CLDN3: variants seen among roughly 807,000 people sequenced by gnomAD.
The protein encoded by CLDN3 is claudin-3.
Under a neutral mutation model 16.3 loss-of-function variants are expected in CLDN3, and 6 were observed. The observed-to-expected ratio is 0.37, with a 90% confidence interval of 0.20 to 0.73. The LOEUF is 0.73. CLDN3 is among the 30% of genes least tolerant of loss of function. The probability of loss-of-function intolerance (pLI) is 0.52; values close to 1 mark genes in which losing one functional copy is unlikely to be tolerated. For synonymous variants in CLDN3, 145 were observed against 150.1 expected, an observed-to-expected ratio of 0.97 and a Z score of 0.25; for missense variants, 248 against 305.2, an observed-to-expected ratio of 0.81 and a Z score of 1.40.
chr7:73,769,845 G>C lies in CLDN3; in HGVS notation c.205C>G (p.Leu69Val). The C allele has an allele frequency of 6.2e-7, 1 of 1,612,668 alleles. No individual in the cohort carries two copies. The highest frequency in any genetic ancestry group is 8.5e-7 in the Non-Finnish European group (1 of 1,179,918). ...GQMQCKVYDS[L>V]LALPQDLQAA... ...TGAAGGTCCTGTGGCAGTGCCAGCA[G>C]CGAGTCGTACACCTTGCACTGCATC... The change falls in exon 1 of 1, where the codon CTG (leucine) becomes GTG (valine). Residue 69 changes from leucine to valine, a missense_variant. Leu to Val is a conservative substitution (Grantham distance 32). Transcript: ENST00000395145.
In CLDN3 at chr7:73,769,082, G is replaced by T. The variant is rs1554626535; in HGVS notation, c.*305C>A. The T allele has an allele frequency of 1.8e-6, 1 of 544,884 alleles. No individual in the cohort carries two copies. The highest frequency in any genetic ancestry group is 2.9e-6 in the Non-Finnish European group (1 of 341,390). 33.8% of individuals were successfully genotyped at this position (544,884 alleles called of 1,614,324 possible). A position where few individuals can be genotyped will look rare whatever the true frequency, so the allele number is the denominator to read the frequency against. On this transcript the variant is annotated 3_prime_UTR_variant, in exon 1 of 1. Transcript: ENST00000395145. The stretch of plus-strand genomic sequence containing the variant: ...TGCCCAGCGCGAGCATGGGGGCAGC[G>T]GCCCGATGGGGCTCGACGGGGTGGT...
At position 73,769,815 on chromosome 7, in the gene CLDN3, C is replaced by T. The variant is rs1554626727; in HGVS notation, c.235G>A (p.Ala79Thr). 1 of 1,612,324 alleles carries T rather than the reference C, an allele frequency of 6.2e-7. No individual in the cohort carries two copies. Among genetic ancestry groups the T allele is most frequent in the East Asian group, 2.2e-5 (1 of 44,880 alleles). Reference protein sequence around the residue: ...LLALPQDLQAARALIVVAILL... With the variant: ...LLALPQDLQATRALIVVAILL... ...ATGGCCACCACGATGAGGGCGCGGG[C>T]CGCCTGAAGGTCCTGTGGCAGTGCC... is the stretch of plus-strand genomic sequence containing the variant. The change falls in exon 1 of 1, where the codon GCC (alanine) becomes ACC (threonine). Residue 79 changes from alanine to threonine, a missense_variant. Ala to Thr is a moderately conservative substitution (Grantham distance 58, BLOSUM62 0). Coordinates refer to ENST00000395145, the MANE Select transcript of CLDN3 (RefSeq NM_001306.4).
At position 73,769,277 on chromosome 7, in the gene CLDN3, G is replaced by A; in HGVS notation, c.*110C>T. The A allele has an allele frequency of 6.8e-7, 1 of 1,467,982 alleles. No individual in the cohort carries two copies. The highest frequency in any genetic ancestry group is 9.0e-7 in the Non-Finnish European group (1 of 1,115,260). The allele number at this position is 1,467,982 out of a possible 1,614,324, so 90.9% of individuals were successfully genotyped here. Reference sequence around the variant, plus strand: ...CTTCCTGGCTTCTGGGGGTGGGCTGGCCTCCGAGGCAAGGCTGCACGCTGG... The same window carrying A: ...CTTCCTGGCTTCTGGGGGTGGGCTGACCTCCGAGGCAAGGCTGCACGCTGG... On this transcript the variant is annotated 3_prime_UTR_variant, in exon 1 of 1. Coordinates refer to ENST00000395145, the MANE Select transcript of CLDN3 (RefSeq NM_001306.4).
chr7:73,769,689 C>T lies in CLDN3; in HGVS notation c.361G>A (p.Gly121Ser). 1 of 1,612,882 alleles carries T rather than the reference C, an allele frequency of 6.2e-7. No individual in the cohort carries two copies. The highest frequency in any genetic ancestry group is 1.1e-5 in the South Asian group (1 of 90,992). Residue 121 changes from glycine (G) to serine (S), a missense_variant, in exon 1 of 1, where the codon GGC becomes AGC. Coordinates refer to ENST00000395145, the MANE Select transcript of CLDN3 (RefSeq NM_001306.4). ...AGGGCGGCGAGAAGGAACAGCACGC[C>T]TGCCACGATGGTGATCTTGGCCTTG... ...TAKAKITIVA[G>S]VLFLLAALLT...
In CLDN3 at chr7:73,769,716, C is replaced by T. The variant is rs9133; in HGVS notation, c.334G>A (p.Ala112Thr). Residue 112 changes from alanine (A) to threonine (T), a missense_variant, in exon 1 of 1, where the codon GCC becomes ACC. Coordinates refer to ENST00000395145, the MANE Select transcript of CLDN3 (RefSeq NM_001306.4). ...GCCACGATGGTGATCTTGGCCTTGG[C>T]CGTGTCGTCCTGCACGCAGTTGGTG... Reference protein sequence around the residue: ...QCTNCVQDDTAKAKITIVAGV... With the variant: ...QCTNCVQDDTTKAKITIVAGV... The T allele has an allele frequency of 3.7e-6, 6 of 1,611,862 alleles. No individual in the cohort carries two copies. In the Admixed American group the frequency reaches 8.4e-5, roughly 22 times the overall value.
Position 73,769,734 on chromosome 7 carries a change from A to C in CLDN3, c.316T>G (p.Cys106Gly). 1 of 1,611,634 alleles carries C rather than the reference A, an allele frequency of 6.2e-7. No homozygotes were observed. Among genetic ancestry groups the C allele is most frequent in the South Asian group, 1.1e-5 (1 of 90,842 alleles). The change falls in exon 1 of 1, where the codon TGC (cysteine) becomes GGC (glycine). Residue 106 changes from cysteine (C) to glycine (G), a missense_variant. Coordinates refer to ENST00000395145, the MANE Select transcript of CLDN3 (RefSeq NM_001306.4). ...GCCTTGGCCGTGTCGTCCTGCACGC[A>C]GTTGGTGCACTGGGCGCCCACCAGC... ...VALVGAQCTN[C>G]VQDDTAKAKI...
At position 73,769,427 on chromosome 7, in the gene CLDN3, G is replaced by C; in HGVS notation, c.623C>G (p.Ala208Gly). The stretch of plus-strand genomic sequence containing the variant: ...GCGGTCGTAGCCTGTGCCCAGGCTG[G>C]CTCCCGGGCCGGTGGAGCGCGGCGC... ...YSAPRSTGPG[A>G]SLGTGYDRKD... The change falls in exon 1 of 1, where the codon GCC becomes GGC. Residue 208 changes from alanine to glycine, a missense_variant. Transcript: ENST00000395145. The C allele has an allele frequency of 6.2e-7, 1 of 1,603,300 alleles. No individual in the cohort carries two copies. The highest frequency in any genetic ancestry group is 8.5e-7 in the Non-Finnish European group (1 of 1,179,628).
rs375531700 is a variant in CLDN3 at position 73,769,735 on chromosome 7, G to T, written c.315C>A (p.Asn105Lys). ...LVALVGAQCT[N>K]CVQDDTAKAK... ...CCTTGGCCGTGTCGTCCTGCACGCA[G>T]TTGGTGCACTGGGCGCCCACCAGCG... is the stretch of plus-strand genomic sequence containing the variant. Residue 105 changes from asparagine to lysine, a missense_variant, in exon 1 of 1, where the codon AAC (asparagine) becomes AAA (lysine). Coordinates refer to ENST00000395145, the MANE Select transcript of CLDN3 (RefSeq NM_001306.4). 4 of 1,611,564 alleles carry T rather than the reference G, an allele frequency of 2.5e-6. No individual in the cohort carries two copies. The highest frequency in any genetic ancestry group is 3.4e-6 in the Non-Finnish European group (4 of 1,179,058).
rs375591629 is a variant in CLDN3, at chr7:73,769,656, G to T, written c.394C>A (p.Leu132Ile). ...TTGGCCGACCAGGACACCGGCACGAGGGTGAGCAGGGCGGCGAGAAGGAAC... is the reference window on the plus strand; with the variant it reads ...TTGGCCGACCAGGACACCGGCACGATGGTGAGCAGGGCGGCGAGAAGGAAC... The part of the protein sequence containing the change: ...VLFLLAALLT[L>I]VPVSWSANTI... The change falls in exon 1 of 1, where the codon CTC becomes ATC. Residue 132 changes from leucine to isoleucine, a missense_variant. Coordinates refer to ENST00000395145, the MANE Select transcript of CLDN3 (RefSeq NM_001306.4). 7 of 1,612,866 alleles carry T rather than the reference G, an allele frequency of 4.3e-6. No homozygotes were observed. The highest frequency in any genetic ancestry group is 5.9e-6 in the Non-Finnish European group (7 of 1,179,856).
rs1306519449 is a variant in CLDN3, at chr7:73,769,993, G to A, written c.57C>T (p.Gly19=). 1.9e-6 allele frequency: 3 copies of A among 1,611,526 alleles called. No individual in the cohort carries two copies. The highest frequency in any genetic ancestry group is 1.3e-5 in the African/African-American group (1 of 74,910). The part of the protein sequence containing the change: ...GTALAVLGWL[G]TIVCCALPMW... ...TGGGCAACGCGCAGCACACGATGGT[G>A]CCCAGCCAGCCCAGCACGGCCAGCG... Residue 19 remains glycine (G), a synonymous_variant, in exon 1 of 1, where the codon GGC becomes GGT. Transcript: ENST00000395145.
Position 73,769,802 on chromosome 7 carries a change from A to G in CLDN3, c.248T>C (p.Ile83Thr). The G allele has an allele frequency of 6.2e-7, 1 of 1,612,134 alleles. No individual in the cohort carries two copies. Among genetic ancestry groups the G allele is most frequent in the Non-Finnish European group, 8.5e-7 (1 of 1,179,588 alleles). Residue 83 changes from isoleucine to threonine, a missense_variant, in exon 1 of 1, where the codon ATC becomes ACC. Transcript: ENST00000395145. ...PQDLQAARAL[I>T]VVAILLAAFG... is the part of the protein sequence containing the mutation. ...GGCGGCCAGCAGGATGGCCACCACG[A>G]TGAGGGCGCGGGCCGCCTGAAGGTC...
chr7:73,769,103 G>T lies in CLDN3; in HGVS notation c.*284C>A, dbSNP rs1419283477. The T allele has an allele frequency of 2.3e-5, 16 of 685,198 alleles. No individual in the cohort carries two copies. Among genetic ancestry groups the T allele is most frequent in the Middle Eastern group, 8.5e-4 (2 of 2,348 alleles). 42.4% of individuals were successfully genotyped at this position (685,198 alleles called of 1,614,324 possible). A position where few individuals can be genotyped will look rare whatever the true frequency, so the allele number is the denominator to read the frequency against. On this transcript the variant is annotated 3_prime_UTR_variant, in exon 1 of 1. Transcript: ENST00000395145. ...CAGCGGCCCGATGGGGCTCGACGGG[G>T]TGGTCAAGTATTGGCGGTCACCCAG...
rs1554626645 is a variant in CLDN3, at chr7:73,769,548, C to T, written c.502G>A (p.Ala168Thr). ...EMGAGLYVGW[A>T]AAALQLLGGA... is the part of the protein sequence containing the mutation. ...CCCAGCAGCTGCAGCGCCGCGGCCGCCCAGCCCACGTACAGGCCCGCGCCC... is the reference window on the plus strand; with the variant it reads ...CCCAGCAGCTGCAGCGCCGCGGCCGTCCAGCCCACGTACAGGCCCGCGCCC... The change falls in exon 1 of 1, where the codon GCG (alanine) becomes ACG (threonine). Residue 168 changes from alanine (A) to threonine (T), a missense_variant. Ala to Thr is a moderately conservative substitution (Grantham distance 58). Transcript: ENST00000395145. 6.2e-7 allele frequency: 1 copy of T among 1,602,496 alleles called. No individual in the cohort carries two copies. The highest frequency in any genetic ancestry group is 1.1e-5 in the South Asian group (1 of 89,452).
rs1787024699 is a variant in CLDN3, at chr7:73,770,066, C to G, written c.-17G>C. The G allele has an allele frequency of 3.3e-6, 5 of 1,499,630 alleles. No individual in the cohort carries two copies. Among genetic ancestry groups the G allele is most frequent in the Non-Finnish European group, 4.5e-6 (5 of 1,122,494 alleles). The allele number at this position is 1,499,630 out of a possible 1,614,324, so 92.9% of individuals were successfully genotyped here. ...CATGGACATGGCTGCCGCGGCAAGG[C>G]CCGCTCCACCGGGTGGCTCCGGGTG... On this transcript the variant is annotated 5_prime_UTR_variant, in exon 1 of 1. Transcript: ENST00000395145. The surrounding 1 kb of genome is among the most constrained non-coding windows in gnomAD (Gnocchi z 5.7).
In CLDN3 at chr7:73,770,176, G is replaced by T; in HGVS notation, c.-127C>A. 2 of 1,323,772 alleles carry T rather than the reference G, an allele frequency of 1.5e-6. No homozygotes were observed. The highest frequency in any genetic ancestry group is 1.9e-6 in the Non-Finnish European group (2 of 1,029,796). The allele number at this position is 1,323,772 out of a possible 1,614,324, so 82.0% of individuals were successfully genotyped here. ...GGACGGACGGACGGACTGACTCACC[G>T]ACGGCGCGCGCTAACGGCTCGGCTC... is the stretch of plus-strand genomic sequence containing the variant. On this transcript the variant is annotated 5_prime_UTR_variant, in exon 1 of 1. Transcript: ENST00000395145. This position sits in a 1 kb window ranked among gnomAD's most constrained non-coding sequence, Gnocchi z 5.7.
In CLDN3 at chr7:73,769,690, T is replaced by A; in HGVS notation, c.360A>T (p.Ala120=). The change falls in exon 1 of 1, where the codon GCA becomes GCT. Residue 120 remains alanine (A), a synonymous_variant. Transcript: ENST00000395145. ...GGGCGGCGAGAAGGAACAGCACGCC[T>A]GCCACGATGGTGATCTTGGCCTTGG... The part of the protein sequence containing the change: ...DTAKAKITIV[A]GVLFLLAALL... The A allele has an allele frequency of 1.2e-6, 2 of 1,612,866 alleles. No homozygotes were observed. Among genetic ancestry groups the A allele is most frequent in the Non-Finnish European group, 1.7e-6 (2 of 1,179,780 alleles).
chr7:73,769,174 G>A lies in CLDN3; in HGVS notation c.*213C>T. On this transcript the variant is annotated 3_prime_UTR_variant, in exon 1 of 1. Transcript: ENST00000395145. ...GAGGTTTCACAGTCCATGCAGGTTG[G>A]TCCCTGGGCCCCGAAGTCGACTGCC... 1 of 1,297,990 alleles carries A rather than the reference G, an allele frequency of 7.7e-7. No individual in the cohort carries two copies. The highest frequency in any genetic ancestry group is 1.0e-6 in the Non-Finnish European group (1 of 981,950). 80.4% of individuals were successfully genotyped at this position (1,297,990 alleles called of 1,614,324 possible).
chr7:73,769,315 G>A lies in CLDN3; in HGVS notation c.*72C>T, dbSNP rs1584302180. On this transcript the variant is annotated 3_prime_UTR_variant, in exon 1 of 1. Transcript: ENST00000395145. The stretch of plus-strand genomic sequence containing the variant: ...GGCTGCACGCTGGATGGCCTGGTGC[G>A]CGCTCCAGCTCGCGGTGGTGGTGGT... 9.8e-6 allele frequency: 15 copies of A among 1,527,630 alleles called. No individual in the cohort carries two copies. In the East Asian group the frequency reaches 1.8e-4, roughly 19 times the overall value. The allele number at this position is 1,527,630 out of a possible 1,614,324, so 94.6% of individuals were successfully genotyped here.
Position 73,769,298 on chromosome 7 carries a change from G to T in CLDN3, c.*89C>A. 2.0e-6 allele frequency: 3 copies of T among 1,512,192 alleles called. No homozygotes were observed. Among genetic ancestry groups the T allele is most frequent in the Non-Finnish European group, 2.6e-6 (3 of 1,136,604 alleles). 93.7% of individuals were successfully genotyped at this position (1,512,192 alleles called of 1,614,324 possible). ...GCTGGCCTCCGAGGCAAGGCTGCAC[G>T]CTGGATGGCCTGGTGCGCGCTCCAG... On this transcript the variant is annotated 3_prime_UTR_variant, in exon 1 of 1. Transcript: ENST00000395145.
Sources: allele counts gnomAD v4.1 joint callset, GRCh38; gene constraint gnomAD v4.1.1; non-coding constraint Gnocchi (gnomAD v3.1); transcripts MANE v1.5; gene names NCBI Gene and HGNC (gene_info 2026-07-23, HGNC 2026-07-21).